Variants in MYRIP observed in about 807,000 individuals in gnomAD.
The protein encoded by MYRIP is rab effector MyRIP.
Under a neutral mutation model 98.0 loss-of-function variants are expected in MYRIP, and 49 were observed. The ratio of observed to expected loss-of-function variants is 0.50; its 90% CI spans 0.40 to 0.63. MYRIP has a LOEUF of 0.63. Among genes scored for constraint, MYRIP ranks in the 30% least tolerant of loss-of-function variants. The pLI, the probability that MYRIP is intolerant of heterozygous loss-of-function variation, is 0.00. For synonymous variants in MYRIP, 404 were observed against 409.5 expected, an observed-to-expected ratio of 0.99 and a Z score of 0.16; for missense variants, 1,004 against 1,058.2, an observed-to-expected ratio of 0.95 and a Z score of 0.71.
At chr3:40,253,523 T>G (rs1953462884) in intron 16 of MYRIP, among the ~76,000 whole-genome samples, 2 of 152,200 alleles carry the variant, frequency 1.3e-5, no homozygotes, top group Admixed American at 6.5e-5. Flanking sequence ...AGCCTACTAT[T>G]CCTGCATTAA....
At chr3:39,830,049 T>G (rs1241642851) in intron 1 of MYRIP, among the ~76,000 whole-genome samples, 1 of 152,160 alleles carries the variant, frequency 6.6e-6, no homozygotes, top group East Asian at 1.9e-4. Context: ...TGACAACCAA[T>G]CTTCAATTTC....
intron 9 of MYRIP, among the ~76,000 whole-genome samples, chr3:40,188,058 C>T (rs901348779): frequency 6.6e-6 from 1 of 152,300 alleles, no homozygotes. Context: ...GAAAGCCCCA[C>T]TTCCTGACTC....
intron 2 of MYRIP, among the ~76,000 whole-genome samples, chr3:40,002,674 G>A (rs1049030804): frequency 6.6e-5 from 10 of 152,104 alleles, no homozygotes; most frequent in Non-Finnish European, 5.9e-5. Flanking sequence ...TGAGCAGCCC[G>A]AGGTATGTTT....
intron 2 of MYRIP, among the ~76,000 whole-genome samples, chr3:39,999,740 A>G (rs897138672): frequency 5.9e-5 from 9 of 152,170 alleles, no homozygotes; most frequent in African/African-American, 1.4e-4. Context: ...TGTTTATTGC[A>G]GCACTATTCA....
chr3:40,066,886 G>A (rs1315929805), intron 3 of MYRIP, among the ~76,000 whole-genome samples: 1 of 152,150 alleles, frequency 6.6e-6, no homozygotes, highest in Non-Finnish European at 1.5e-5. Flanking sequence ...ATGAAAATAT[G>A]TGAATGAGTG....
intron 9 of MYRIP, among the ~76,000 whole-genome samples, chr3:40,187,207 G>A (rs1951061966): frequency 6.6e-6 from 1 of 152,214 alleles, no homozygotes; most frequent in Non-Finnish European, 1.5e-5. Flanking sequence ...CACTAGGATT[G>A]ATGCTTTATA....
intron 3 of MYRIP, among the ~76,000 whole-genome samples, chr3:40,052,356 G>A (rs543826726): frequency 2.8e-4 from 42 of 152,090 alleles, no homozygotes; most frequent in African/African-American, 9.6e-4. Flanking sequence ...TGTTGCTGCC[G>A]GTGACAGGGT....
rs747474216 is a variant in MYRIP at position 40,230,172 on chromosome 3, T to TA, written c.1906-3683dup. On this transcript the variant is annotated intron_variant, in intron 11 of 16. Coordinates refer to ENST00000302541, the MANE Select transcript of MYRIP (RefSeq NM_015460.4). ...TTCACTTCTCCCTCATTTGCTACCA[T>TA]AAAACCCATATTTGATTTCCCTTAT... is the stretch of plus-strand genomic sequence containing the variant. Among the ~76,000 whole-genome samples, 70 of 152,276 alleles carry TA rather than the reference T, an allele frequency of 4.6e-4. 1 individual carries two copies. Among genetic ancestry groups the TA allele is most frequent in the Non-Finnish European group, 7.8e-4 (53 of 68,026 alleles).
At chr3:39,836,169 A>G (rs1941614616) in intron 1 of MYRIP, among the ~76,000 whole-genome samples, 1 of 152,156 alleles carries the variant, frequency 6.6e-6, no homozygotes, top group Non-Finnish European at 1.5e-5. Context: ...GAATTGCCAT[A>G]CTGTCTTCCA....
At chr3:39,926,152 A>T (rs1027967499) in intron 2 of MYRIP, among the ~76,000 whole-genome samples, 5 of 151,884 alleles carry the variant, frequency 3.3e-5, no homozygotes, top group Non-Finnish European at 7.4e-5. Context: ...GTGTCTATTC[A>T]TGTCCTTTGC....
chr3:39,851,212 A>G (rs927399449), intron 1 of MYRIP, among the ~76,000 whole-genome samples: 1 of 150,586 alleles, frequency 6.6e-6, no homozygotes, highest in Non-Finnish European at 1.5e-5. Flanking sequence ...TGATGGATGT[A>G]TGTATGTATG....
chr3:39,840,055 A>G (rs1050687728), intron 1 of MYRIP, among the ~76,000 whole-genome samples: 1 of 152,134 alleles, frequency 6.6e-6, no homozygotes, highest in South Asian at 2.1e-4. Context: ...TGATCTGTCT[A>G]ATATTGACAG....
In MYRIP at chr3:39,900,769, A is replaced by G. The variant is rs1943720323; in HGVS notation, c.-30-18A>G. ...CATGTAGAGATTTTATCTTGCTTGT[A>G]TCATTTTGGTTTCCCAGGTCTTGTT... On this transcript the variant is annotated intron_variant, in intron 1 of 16. Transcript: ENST00000302541. 3.7e-6 allele frequency: 5 copies of G among 1,344,010 alleles called. No individual in the cohort carries two copies. The allele number at this position is 1,344,010 out of a possible 1,614,324, so 83.3% of individuals were successfully genotyped here.
At chr3:40,060,813 G>C (rs139003595) in intron 3 of MYRIP, among the ~76,000 whole-genome samples, 4 of 151,894 alleles carry the variant, frequency 2.6e-5, no homozygotes, top group Non-Finnish European at 5.9e-5. Context: ...GGCTGGTCTC[G>C]AACTCCTGAT....
At chr3:39,889,152 C>T (rs1420493098) in intron 1 of MYRIP, among the ~76,000 whole-genome samples, 2 of 152,126 alleles carry the variant, frequency 1.3e-5, no homozygotes. Context: ...CTAGAAATGC[C>T]ATTTGACCCA....
intron 5 of MYRIP, among the ~76,000 whole-genome samples, chr3:40,163,189 G>A (rs913754298): frequency 3.9e-5 from 6 of 152,004 alleles, no homozygotes; most frequent in African/African-American, 1.5e-4. Flanking sequence ...CAATATAATT[G>A]TCCCCTTAGA....
intron 2 of MYRIP, among the ~76,000 whole-genome samples, chr3:39,997,262 A>T (rs1401855540): frequency 2.0e-5 from 3 of 152,214 alleles, no homozygotes; most frequent in Non-Finnish European, 4.4e-5. Flanking sequence ...TTTTGAGAAG[A>T]TCAACAAAAT....
At chr3:39,922,199 T>C (rs1944320728) in intron 2 of MYRIP, among the ~76,000 whole-genome samples, 1 of 152,064 alleles carries the variant, frequency 6.6e-6, no homozygotes, top group Admixed American at 6.5e-5. Context: ...GTCACAGAAA[T>C]ACCAATTGTC....
At chr3:40,076,954 A>T (rs771112734) in intron 3 of MYRIP, among the ~76,000 whole-genome samples, 4 of 152,130 alleles carry the variant, frequency 2.6e-5, no homozygotes, top group Non-Finnish European at 5.9e-5. Flanking sequence ...TTCATTGCAT[A>T]TGACAGCTTA....
Sources: allele counts gnomAD v4.1 joint callset (sites outside exome capture counted in the v4.1 genomes callset), GRCh38; gene constraint gnomAD v4.1.1; transcripts MANE v1.5; gene names NCBI Gene and HGNC (gene_info 2026-07-23, HGNC 2026-07-21).